Variants in NAV2 observed in about 807,000 individuals in gnomAD.
The protein encoded by NAV2 is helicase, APC down-regulated 1.
A neutral mutation model predicts 223.2 loss-of-function variants in NAV2; 54 were observed. That is an observed-to-expected ratio of 0.24 (90% CI 0.19 to 0.30). NAV2 has a LOEUF of 0.30. Among genes scored for constraint, NAV2 ranks in the 10% least tolerant of loss-of-function variants. The probability of loss-of-function intolerance (pLI) is 1.00; values close to 1 mark genes in which losing one functional copy is unlikely to be tolerated. For synonymous variants in NAV2, 1,279 were observed against 1,239.3 expected (o/e 1.03, Z -0.67); for missense variants, 2,806 against 3,147.5 (o/e 0.89, Z 2.60).
intron 1 of NAV2, among the ~76,000 whole-genome samples, chr11:19,523,264 A>G (rs945012561): frequency 6.6e-6 from 1 of 152,164 alleles, no homozygotes; most frequent in African/African-American, 2.4e-5. Context: ...TGCCTTTCAC[A>G]TGCCTTCCCC....
At chr11:19,818,911 G>C (rs1303291712) in intron 1 of NAV2, among the ~76,000 whole-genome samples, 2 of 152,176 alleles carry the variant, frequency 1.3e-5, no homozygotes, top group Non-Finnish European at 2.9e-5. Context: ...TAGTCCATCT[G>C]TCTATTTGTG....
At chr11:19,953,858 C>T (rs75319899) in intron 10 of NAV2, among the ~76,000 whole-genome samples, 57,258 of 150,588 alleles carry the variant, frequency 0.38, 10,909 homozygotes, top group Admixed American at 0.42. Flanking sequence ...CACGCGCGCG[C>T]GTGTGTGTGT....
chr11:19,885,714 T>C lies in NAV2; in HGVS notation c.770+5587T>C, dbSNP rs188744616. Among the ~76,000 whole-genome samples, 286 of 152,340 alleles carry C rather than the reference T, an allele frequency of 1.9e-3. 1 individual carries two copies. Among genetic ancestry groups the C allele is most frequent in the African/African-American group, 6.7e-3 (280 of 41,586 alleles). ...TTATTTGCTTTTTGGCTTTGTATAA[T>C]TCTTACCTAAATGATTGCAGAGATA... is the stretch of plus-strand genomic sequence containing the variant. On this transcript the variant is annotated intron_variant, in intron 5 of 37. Coordinates refer to ENST00000349880, the MANE Select transcript of NAV2 (RefSeq NM_145117.5).
chr11:19,457,619 G>T (rs572558726), intron 1 of NAV2, among the ~76,000 whole-genome samples: 1 of 152,312 alleles, frequency 6.6e-6, no homozygotes, highest in East Asian at 1.9e-4. Flanking sequence ...TTTTTAAAAG[G>T]TCACTAGGGC....
At chr11:19,590,002 G>C (rs1387745763) in intron 1 of NAV2, among the ~76,000 whole-genome samples, 3 of 152,170 alleles carry the variant, frequency 2.0e-5, no homozygotes, top group Admixed American at 6.5e-5. Flanking sequence ...CCTCAGTCTT[G>C]TGTAGTGGTG....
chr11:19,496,856 A>G (rs2042811002), intron 1 of NAV2, among the ~76,000 whole-genome samples: 1 of 152,150 alleles, frequency 6.6e-6, no homozygotes, highest in East Asian at 1.9e-4. Context: ...AACAAAACAA[A>G]CAAAAACAGT....
At chr11:19,893,589 G>A (rs556297237) in intron 6 of NAV2, among the ~76,000 whole-genome samples, 103 of 152,298 alleles carry the variant, frequency 6.8e-4, no homozygotes, top group African/African-American at 2.3e-3. Flanking sequence ...GTGGAACTGA[G>A]TTCCCCCAAG....
chr11:19,919,751 G>A (rs994071427), intron 6 of NAV2, among the ~76,000 whole-genome samples: 1 of 152,346 alleles, frequency 6.6e-6, no homozygotes, highest in African/African-American at 2.4e-5. Context: ...GCAGTTTGCA[G>A]TGTGCTTTCA....
At chr11:19,648,340 C>A (rs1027333714) in intron 1 of NAV2, among the ~76,000 whole-genome samples, 1 of 152,176 alleles carries the variant, frequency 6.6e-6, no homozygotes, top group African/African-American at 2.4e-5. Context: ...TCAGTGGTGC[C>A]ATGGCAGTAA....
At chr11:19,977,364 C>T (rs1053900968) in intron 10 of NAV2, among the ~76,000 whole-genome samples, 2 of 152,206 alleles carry the variant, frequency 1.3e-5, no homozygotes, top group African/African-American at 4.8e-5. Context: ...GCTTTCTCTC[C>T]AAAGGTTGTT....
intron 1 of NAV2, chr11:19,510,779 C>T (rs575746222): frequency 6.6e-6 from 1 of 152,370 alleles, no homozygotes; most frequent in South Asian, 2.1e-4. Flanking sequence ...GTAGTCAGCT[C>T]TTCTCTTCTT....
At chr11:19,806,086 A>T (rs1366100622) in intron 1 of NAV2, among the ~76,000 whole-genome samples, 2 of 152,220 alleles carry the variant, frequency 1.3e-5, no homozygotes, top group Non-Finnish European at 2.9e-5. Context: ...AAGCTCATTC[A>T]TGCTGAATTT....
At chr11:19,894,660 T>C (rs1007567681) in intron 6 of NAV2, among the ~76,000 whole-genome samples, 1 of 152,204 alleles carries the variant, frequency 6.6e-6, no homozygotes, top group East Asian at 1.9e-4. Flanking sequence ...TAAAGGACCA[T>C]GGTGCAAATT....
At chr11:19,581,611 C>T (rs1416541106) in intron 1 of NAV2, among the ~76,000 whole-genome samples, 5 of 151,994 alleles carry the variant, frequency 3.3e-5, no homozygotes, top group Non-Finnish European at 5.9e-5. Context: ...TGAGAACATG[C>T]GGTATTTGGT....
At chr11:19,921,463 G>T (rs369519146) in intron 6 of NAV2, among the ~76,000 whole-genome samples, 1 of 152,146 alleles carries the variant, frequency 6.6e-6, no homozygotes, top group Admixed American at 6.5e-5. Context: ...ATTGTCTGAC[G>T]TTCCTATTTT....
intron 15 of NAV2, 85 bp from the exon 16 acceptor site, chr11:20,049,751 A>G: frequency 7.7e-7 from 1 of 1,297,098 alleles, no homozygotes; most frequent in African/African-American, 1.5e-5. Context: ...CAGCATGGGG[A>G]ATGAAAAAAA....
intron 3 of NAV2, among the ~76,000 whole-genome samples, chr11:19,854,637 C>T (rs1189468893): frequency 2.0e-5 from 3 of 152,038 alleles, no homozygotes; most frequent in East Asian, 1.9e-4. Flanking sequence ...ACACATTTGA[C>T]GTTTTTGATC....
At chr11:20,009,434 A>T (rs1447790498) in intron 11 of NAV2, among the ~76,000 whole-genome samples, 1 of 152,180 alleles carries the variant, frequency 6.6e-6, no homozygotes, top group Non-Finnish European at 1.5e-5. Flanking sequence ...GTGACAAATG[A>T]GCTGTGAGAT....
intron 5 of NAV2, chr11:19,884,510 C>T (rs2063412403): frequency 4.5e-6 from 3 of 673,876 alleles, no homozygotes; most frequent in Non-Finnish European, 7.9e-6. Flanking sequence ...GGCTAATGGT[C>T]CCATGGTGCA....
Sources: gnomAD v4.1 joint callset for allele counts (sites outside exome capture counted in the v4.1 genomes callset) on GRCh38, gnomAD v4.1.1 for gene constraint, MANE v1.5 for transcripts, NCBI Gene and HGNC (gene_info 2026-07-23, HGNC 2026-07-21) for gene names.